ERCC8: variants seen among roughly 807,000 people sequenced by gnomAD.
The protein encoded by ERCC8 is DNA excision repair protein ERCC-8.
A neutral mutation model predicts 54.9 loss-of-function variants in ERCC8; 52 were observed. The observed-to-expected ratio is 0.95, with a 90% CI of 0.76 to 1.19. ERCC8 has a LOEUF of 1.19. Among genes scored for constraint, ERCC8 ranks in the 50% most tolerant of loss-of-function variants. ERCC8 has a pLI of 0.00. For synonymous variants in ERCC8, 146 were observed against 157.2 expected (o/e 0.93, Z 0.53); for missense variants, 514 against 466.1 (o/e 1.10, Z -0.95).
At position 60,872,653 on chromosome 5, in the gene ERCC8, G is replaced by C. The variant is rs901638136; in HGVS notation, c.*1962C>G. On this transcript the variant is annotated 3_prime_UTR_variant, in exon 12 of 12. Coordinates refer to ENST00000676185, the MANE Select transcript of ERCC8 (RefSeq NM_000082.4). ...AAAGATAACAAGTGTTGGCAAGGAT[G>C]TGAAGAAAAAGGATTTCTTGCATTA... Among the ~76,000 whole-genome samples the C allele has an allele frequency of 6.6e-6, 1 of 152,194 alleles. No individual in the cohort carries two copies. The highest frequency in any genetic ancestry group is 1.5e-5 in the Non-Finnish European group (1 of 68,028).
At chr5:60,912,165 CTA>C (rs1156794417) in intron 4 of ERCC8, among the ~76,000 whole-genome samples, 3 of 152,136 alleles carry the variant, frequency 2.0e-5, no homozygotes, top group African/African-American at 7.2e-5. Context: ...GGTATTCAAT[CTA>C]TAAATTACCT....
chr5:60,939,191 T>C (rs1750181601), intron 1 of ERCC8, among the ~76,000 whole-genome samples: 2 of 152,196 alleles, frequency 1.3e-5, no homozygotes, highest in Admixed American at 6.5e-5. Flanking sequence ...ATCTTGTCAA[T>C]TGAGAAGTGT....
rs908339833 is a variant in ERCC8, at chr5:60,875,264, T to C, written c.1123-581A>G. On this transcript the variant is annotated intron_variant, in intron 11 of 11. Transcript: ENST00000676185. ...TTATTTGTAAGCAGTGATATTTAAT[T>C]ACTTATTTTTATAGGTTGGTAGGGC... is the stretch of plus-strand genomic sequence containing the variant. Among the ~76,000 whole-genome samples the C allele has an allele frequency of 2.0e-5, 3 of 152,246 alleles. 1 individual carries two copies. The highest frequency in any genetic ancestry group is 4.4e-5 in the Non-Finnish European group (3 of 68,044).
intron 9 of ERCC8, among the ~76,000 whole-genome samples, chr5:60,896,396 G>C (rs1277342521): frequency 6.6e-6 from 1 of 152,114 alleles, no homozygotes; most frequent in Non-Finnish European, 1.5e-5. Flanking sequence ...ATTTTTAGTA[G>C]AGACGGGGTT....
intron 7 of ERCC8, among the ~76,000 whole-genome samples, 184 bp downstream of exon 7, chr5:60,902,258 A>T (rs1458299454): frequency 1.3e-5 from 2 of 152,114 alleles, no homozygotes; most frequent in African/African-American, 2.4e-5. Flanking sequence ...GGATAGGATT[A>T]GAATTAGAAT....
At chr5:60,895,972 T>C (rs1445244691) in intron 9 of ERCC8, among the ~76,000 whole-genome samples, 1 of 150,150 alleles carries the variant, frequency 6.7e-6, no homozygotes, top group African/African-American at 2.5e-5. Context: ...TAATGTCATA[T>C]TAATATTTCT....
Position 60,868,883 on chromosome 5 carries a change from T to C in ERCC8, c.*5732A>G, listed in dbSNP as rs1747806969. Reference sequence around the variant, plus strand: ...GATTTAACCTTCCGATGTCCAGAAATTCATTACAATAGAAAGCAAAGTGAT... The same window carrying C: ...GATTTAACCTTCCGATGTCCAGAAACTCATTACAATAGAAAGCAAAGTGAT... On this transcript the variant is annotated 3_prime_UTR_variant, in exon 12 of 12. Coordinates refer to ENST00000676185, the MANE Select transcript of ERCC8 (RefSeq NM_000082.4). 6.6e-6 allele frequency among the ~76,000 whole-genome samples: 1 copy of C among 152,244 alleles called. No homozygotes were observed. Among genetic ancestry groups the C allele is most frequent in the Admixed American group, 6.5e-5 (1 of 15,278 alleles).
intron 9 of ERCC8, chr5:60,893,269 CAT>C (rs942376830): frequency 8.9e-5 from 90 of 1,016,604 alleles, no homozygotes; most frequent in African/African-American, 8.5e-4. Context: ...GCTGAGGAAA[CAT>C]ATTTAATTCC....
intron 9 of ERCC8, among the ~76,000 whole-genome samples, chr5:60,895,241 T>C (rs188775861): frequency 6.6e-6 from 1 of 151,920 alleles, no homozygotes; most frequent in East Asian, 1.9e-4. Flanking sequence ...TATGTGTATG[T>C]ATATATATAC....
intron 2 of ERCC8, among the ~76,000 whole-genome samples, chr5:60,925,204 C>T (rs143403640): frequency 4.8e-4 from 73 of 152,166 alleles, no homozygotes; most frequent in African/African-American, 1.8e-3. Flanking sequence ...CCTCTTCTTC[C>T]CTTAAAAATT....
intron 11 of ERCC8, among the ~76,000 whole-genome samples, chr5:60,878,041 G>A (rs189939729): frequency 0.013 from 2,007 of 152,248 alleles, 19 homozygotes; most frequent in Non-Finnish European, 0.022. Context: ...TTTGAGATAC[G>A]TCCCATCAAT....
intron 2 of ERCC8, among the ~76,000 whole-genome samples, chr5:60,922,880 T>C (rs1460154931): frequency 1.6e-4 from 24 of 152,134 alleles, no homozygotes; most frequent in Admixed American, 1.5e-3. Flanking sequence ...GGGATCACTG[T>C]GACAATAACT....
chr5:60,896,517 T>C lies in ERCC8; in HGVS notation c.843+1759A>G, dbSNP rs538944854. On this transcript the variant is annotated intron_variant, in intron 9 of 11. Transcript: ENST00000676185. ...GAGCGACCGTGCCTGGCCTGTCAACTTTAAAATAAAAAAAAGAAGTTACTA... is the reference window on the plus strand; with the variant it reads ...GAGCGACCGTGCCTGGCCTGTCAACCTTAAAATAAAAAAAAGAAGTTACTA... Among the ~76,000 whole-genome samples the C allele has an allele frequency of 1.2e-4, 18 of 152,192 alleles. No homozygotes were observed. In the South Asian group the frequency reaches 3.7e-3, roughly 32 times the overall value.
At position 60,910,317 on chromosome 5, in the gene ERCC8, T is replaced by C. The variant is rs761922710; in HGVS notation, c.400-5444A>G. ...CTTTATAGCAAGTCTTGATATCTGA[T>C]AGTGAAGTCTTCCAACTTCACTCTT... On this transcript the variant is annotated intron_variant, in intron 4 of 11. Coordinates refer to ENST00000676185, the MANE Select transcript of ERCC8 (RefSeq NM_000082.4). Among the ~76,000 whole-genome samples, 3 of 152,204 alleles carry C rather than the reference T, an allele frequency of 2.0e-5. 1 individual carries two copies. Among genetic ancestry groups the C allele is most frequent in the South Asian group, 4.1e-4 (2 of 4,830 alleles).
At chr5:60,922,386 T>G (rs1489991315) in intron 2 of ERCC8, among the ~76,000 whole-genome samples, 1 of 152,038 alleles carries the variant, frequency 6.6e-6, no homozygotes, top group African/African-American at 2.4e-5. Context: ...TCAAGTTTAC[T>G]TCCATAACTT....
intron 4 of ERCC8, 79 bp from the exon 5 acceptor site, chr5:60,904,952 TA>T: frequency 1.4e-6 from 1 of 734,034 alleles, no homozygotes; most frequent in Non-Finnish European, 2.4e-6. Context: ...TACTTTTTCC[TA>T]AATTTTTAGC....
chr5:60,874,193 A>G lies in ERCC8; in HGVS notation c.*422T>C, dbSNP rs1264473402. On this transcript the variant is annotated 3_prime_UTR_variant, in exon 12 of 12. Transcript: ENST00000676185. ...TACCATTTCAACTACTATTTTTGAT[A>G]TAATCATTCTTGGCAAAATCATTCT... 6.4e-6 allele frequency: 1 copy of G among 155,510 alleles called. No homozygotes were observed. Among genetic ancestry groups the G allele is most frequent in the Admixed American group, 6.4e-5 (1 of 15,520 alleles). The allele number at this position is 155,510 out of a possible 1,614,324, so 9.6% of individuals were successfully genotyped here.
At chr5:60,926,994 T>C (rs1476552394) in intron 2 of ERCC8, among the ~76,000 whole-genome samples, 1 of 152,160 alleles carries the variant, frequency 6.6e-6, no homozygotes, top group East Asian at 1.9e-4. Flanking sequence ...GCTGATAGAG[T>C]ATGAAGAGAT....
intron 1 of ERCC8, among the ~76,000 whole-genome samples, chr5:60,935,058 C>T (rs960761013): frequency 4.0e-5 from 6 of 151,316 alleles, no homozygotes; most frequent in African/African-American, 4.8e-5. Context: ...GCTCTTTTTT[C>T]CTAGTTCTGT....
Sources: gnomAD v4.1 joint callset for allele counts (sites outside exome capture counted in the v4.1 genomes callset) on GRCh38, gnomAD v4.1.1 for gene constraint, MANE v1.5 for transcripts, NCBI Gene and HGNC (gene_info 2026-07-23, HGNC 2026-07-21) for gene names.